Variants in KIF15 observed in about 807,000 individuals in gnomAD.
KIF15 encodes the protein kinesin-like protein KIF15.
Under a neutral mutation model 190.6 loss-of-function variants are expected in KIF15, and 140 were observed. The ratio of observed to expected loss-of-function variants is 0.73; its 90% confidence interval spans 0.64 to 0.84. KIF15 has a LOEUF of 0.84. Among genes scored for constraint, KIF15 ranks in the 40% least tolerant of loss-of-function variants. The probability of loss-of-function intolerance (pLI) is 0.00; values close to 1 mark genes in which losing one functional copy is unlikely to be tolerated. For synonymous variants in KIF15, 528 were observed against 551.3 expected (o/e 0.96, Z 0.59); for missense variants, 1,372 against 1,584.4 (o/e 0.87, Z 2.28).
chr3:44,782,525 C>T (rs1052033184), intron 5 of KIF15, among the ~76,000 whole-genome samples: 2 of 152,206 alleles, frequency 1.3e-5, no homozygotes, highest in African/African-American at 4.8e-5. Flanking sequence ...AAGGCAGTGT[C>T]CTGGCTCTTG....
At chr3:44,864,175 G>T in intron 6 of KIF15, 1 of 1,612,954 alleles carries the variant, frequency 6.2e-7, no homozygotes, top group South Asian at 1.1e-5. Context: ...GGACGTGGCT[G>T]CAGTGACACT....
At chr3:44,789,524 A>G (rs1706569811) in intron 7 of KIF15, among the ~76,000 whole-genome samples, 1 of 151,140 alleles carries the variant, frequency 6.6e-6, no homozygotes, top group Non-Finnish European at 1.5e-5. Context: ...TCCTTGGTAC[A>G]AGGTTTTATA....
intron 16 of KIF15, among the ~76,000 whole-genome samples, chr3:44,808,768 G>A (rs1230066154): frequency 6.6e-6 from 1 of 151,998 alleles, no homozygotes; most frequent in Non-Finnish European, 1.5e-5. Flanking sequence ...GAGGCTCAAG[G>A]GTTATGAGCC....
intron 20 of KIF15, among the ~76,000 whole-genome samples, chr3:44,820,526 C>G (rs1376029318): frequency 1.3e-5 from 2 of 151,980 alleles, no homozygotes; most frequent in Non-Finnish European, 2.9e-5. Context: ...TCCCTGGGTA[C>G]TTGAGATTAG....
intron 20 of KIF15, among the ~76,000 whole-genome samples, chr3:44,818,273 C>T (rs1198533432): frequency 6.6e-6 from 1 of 152,166 alleles, no homozygotes; most frequent in Non-Finnish European, 1.5e-5. Flanking sequence ...GAACTTCCAA[C>T]ACTATATTGA....
intron 16 of KIF15, among the ~76,000 whole-genome samples, chr3:44,809,205 C>T (rs899675588): frequency 3.3e-5 from 5 of 152,160 alleles, no homozygotes; most frequent in African/African-American, 1.2e-4. Context: ...TTTTAATTCT[C>T]ATTTCTCTAA....
chr3:44,802,048 C>T lies in KIF15; in HGVS notation c.1509+74C>T, dbSNP rs1190234000. On this transcript the variant is annotated intron_variant, in intron 13 of 34. Coordinates refer to ENST00000326047, the MANE Select transcript of KIF15 (RefSeq NM_020242.3). The stretch of plus-strand genomic sequence containing the variant: ...GCAAATCTAAGTTTGTCAGCAAGTA[C>T]TTGTTCTTTAATACAATGGAAATTG... 3.8e-6 allele frequency: 4 copies of T among 1,042,246 alleles called. No homozygotes were observed. In the African/African-American group the frequency reaches 4.8e-5, roughly 13 times the overall value. The allele number at this position is 1,042,246 out of a possible 1,614,324, so 64.6% of individuals were successfully genotyped here. A position where few individuals can be genotyped will look rare whatever the true frequency, so the allele number is the denominator to read the frequency against.
At position 44,832,372 on chromosome 3, in the gene KIF15, G is replaced by C. The variant is rs138392074; in HGVS notation, c.3171+1354G>C. On this transcript the variant is annotated intron_variant, in intron 26 of 34. Transcript: ENST00000326047. ...TTGAACCCAGGCAGAAGGTCATGAAGTCAGAGCTAAGAAATGCTAGTGGGG... is the reference window on the plus strand; with the variant it reads ...TTGAACCCAGGCAGAAGGTCATGAACTCAGAGCTAAGAAATGCTAGTGGGG... Among the ~76,000 whole-genome samples the C allele has an allele frequency of 3.1e-4, 47 of 152,298 alleles. No individual in the cohort carries two copies. In the Middle Eastern group the frequency reaches 0.014, roughly 44 times the overall value.
At chr3:44,852,127 G>A in intron 33 of KIF15, 81 bp from the exon 34 acceptor site, 1 of 1,519,396 alleles carries the variant, frequency 6.6e-7, no homozygotes, top group Non-Finnish European at 8.9e-7. Flanking sequence ...CTGTGCTCCT[G>A]GAAGGCAAGA....
intron 17 of KIF15, 63 bp from the exon 18 acceptor site, chr3:44,812,119 A>G: frequency 8.2e-7 from 1 of 1,214,426 alleles, no homozygotes; most frequent in African/African-American, 1.5e-5. Flanking sequence ...TGCAGACGAA[A>G]TGGTGGAATG....
At chr3:44,817,438 C>T (rs556178679) in intron 20 of KIF15, among the ~76,000 whole-genome samples, 28 of 152,262 alleles carry the variant, frequency 1.8e-4, no homozygotes, top group African/African-American at 6.3e-4. Context: ...GGAAGGGATC[C>T]AGTTTCAGCT....
At position 44,865,110 on chromosome 3, in the gene KIF15, T is replaced by C. The variant is rs374326665; in HGVS notation, c.*60-8219T>C. ...TGGTGGGGAGGAGTGTTCCTTATTC[T>C]CTGCGGACTCACCCTAATCCACAGG... On this transcript the variant is annotated intron_variant and NMD_transcript_variant, in intron 6 of 6. Coordinates refer to the KIF15 transcript ENST00000422209. 5.2e-5 allele frequency: 84 copies of C among 1,614,024 alleles called. No homozygotes were observed. The highest frequency in any genetic ancestry group is 6.8e-5 in the Non-Finnish European group (80 of 1,180,010).
Position 44,812,318 on chromosome 3 carries a change from T to C in KIF15, c.2277+29T>C, listed in dbSNP as rs768194423. The C allele has an allele frequency of 1.4e-5, 21 of 1,481,784 alleles. No individual in the cohort carries two copies. The Admixed American group carries it at 3.4e-4, about 24-fold the overall frequency. The allele number at this position is 1,481,784 out of a possible 1,614,324, so 91.8% of individuals were successfully genotyped here. A position where few individuals can be genotyped will look rare whatever the true frequency, so the allele number is the denominator to read the frequency against. ...AGACCAAGAGCACAGCCTCAGAAAATGTATGAAGTACCCTCAAATGTTACC... is the reference window on the plus strand; with the variant it reads ...AGACCAAGAGCACAGCCTCAGAAAACGTATGAAGTACCCTCAAATGTTACC... On this transcript the variant is annotated intron_variant, in intron 18 of 34. Coordinates refer to ENST00000326047, the MANE Select transcript of KIF15 (RefSeq NM_020242.3).
Sources: gnomAD v4.1 joint callset for allele counts (sites outside exome capture counted in the v4.1 genomes callset) on GRCh38, gnomAD v4.1.1 for gene constraint, MANE v1.5 for transcripts, NCBI Gene and HGNC (gene_info 2026-07-23, HGNC 2026-07-21) for gene names.